The following KIF26B variants were observed in gnomAD, a reference collection of about 807,000 sequenced individuals.
KIF26B encodes kinesin family member 26B.
KIF26B carries 63 observed loss-of-function variants against 151.2 expected under a neutral mutation model. That is an observed-to-expected ratio of 0.42 (90% confidence interval 0.34 to 0.51). The LOEUF is 0.51. Among genes scored for constraint, KIF26B ranks in the 20% least tolerant of loss-of-function variants. The pLI is 0.07. For missense variants in KIF26B, 2,813 were observed against 2,913.6 expected (o/e 0.97, Z 0.79); for synonymous variants, 1,357 against 1,262.1 (o/e 1.08, Z -1.59).
chr1:245,175,475 A>G, intron 2 of KIF26B, among the ~76,000 whole-genome samples: 1 of 152,184 alleles, frequency 6.6e-6, no homozygotes, highest in East Asian at 1.9e-4. Context: ...GGAACTTGGA[A>G]GAGGCAAAGT....
At chr1:245,689,164 C>T (rs2044587682) in intron 12 of KIF26B, among the ~76,000 whole-genome samples, 2 of 152,232 alleles carry the variant, frequency 1.3e-5, no homozygotes. Flanking sequence ...ATGCAGGTGG[C>T]AGCATGACCC....
chr1:245,526,332 G>T (rs1451608317), intron 4 of KIF26B, among the ~76,000 whole-genome samples: 1 of 152,184 alleles, frequency 6.6e-6, no homozygotes, highest in Non-Finnish European at 1.5e-5. Context: ...CTCTAGTGGG[G>T]CTGCTAAGGT....
At chr1:245,234,854 A>G (rs1670074663) in intron 2 of KIF26B, among the ~76,000 whole-genome samples, 1 of 152,214 alleles carries the variant, frequency 6.6e-6, no homozygotes, top group South Asian at 2.1e-4. Context: ...CTGTTGTGTT[A>G]AAAGGACTTG....
chr1:245,590,914 G>GAA (rs10599314), intron 5 of KIF26B, among the ~76,000 whole-genome samples: 6 of 91,330 alleles, frequency 6.6e-5, no homozygotes, highest in Non-Finnish European at 8.3e-5. Context: ...TCAAAAAAAA[G>GAA]AAAAAAAAAA....
chr1:245,282,918 A>AT, intron 2 of KIF26B: 1 of 314,596 alleles, frequency 3.2e-6, no homozygotes, highest in Admixed American at 3.4e-5. Context: ...CCATTTTGTC[A>AT]TTTTGGGTTC....
intron 4 of KIF26B, chr1:245,511,032 A>G (rs1660822329): frequency 5.6e-6 from 4 of 711,054 alleles, no homozygotes. Flanking sequence ...TGCAAGAGAC[A>G]TTTGAGAGAA....
intron 4 of KIF26B, among the ~76,000 whole-genome samples, chr1:245,458,193 G>A (rs530444287): frequency 1.2e-3 from 189 of 152,228 alleles, no homozygotes; most frequent in African/African-American, 4.3e-3. Context: ...AGCAAGTGCC[G>A]GAGCCCACTC....
chr1:245,384,073 A>T (rs531379616), intron 3 of KIF26B, among the ~76,000 whole-genome samples: 8 of 152,208 alleles, frequency 5.3e-5, no homozygotes, highest in Admixed American at 3.9e-4. Context: ...CTGCACAGAG[A>T]AAAACTGAAG....
At chr1:245,505,833 T>G (rs1660720004) in intron 4 of KIF26B, among the ~76,000 whole-genome samples, 1 of 151,332 alleles carries the variant, frequency 6.6e-6, no homozygotes, top group South Asian at 2.1e-4. Flanking sequence ...GGAGCACAAA[T>G]TTTACAAATT....
chr1:245,457,033 T>C (rs12119317), intron 4 of KIF26B, among the ~76,000 whole-genome samples: 15,043 of 152,178 alleles, frequency 0.099, 1,043 homozygotes, highest in Non-Finnish European at 0.15. Flanking sequence ...GCCCAGCTAA[T>C]TTTTGTATTT....
chr1:245,577,297 G>A (rs1212670683), intron 5 of KIF26B, among the ~76,000 whole-genome samples: 1 of 152,136 alleles, frequency 6.6e-6, no homozygotes, highest in Non-Finnish European at 1.5e-5. Flanking sequence ...CACCCTCCAA[G>A]TTGTGACCAA....
At chr1:245,654,719 C>G (rs1223973866) in intron 10 of KIF26B, among the ~76,000 whole-genome samples, 1 of 152,168 alleles carries the variant, frequency 6.6e-6, no homozygotes, top group Non-Finnish European at 1.5e-5. Context: ...CAGTGGAGAA[C>G]CAGACACTGG....
At chr1:245,655,430 A>G (rs1172119642) in intron 10 of KIF26B, among the ~76,000 whole-genome samples, 4 of 152,238 alleles carry the variant, frequency 2.6e-5, no homozygotes, top group Non-Finnish European at 5.9e-5. Context: ...TTGACCAAGT[A>G]GATAATTACC....
chr1:245,369,082 G>T (rs1042120630), intron 3 of KIF26B, among the ~76,000 whole-genome samples: 1 of 152,012 alleles, frequency 6.6e-6, no homozygotes, highest in African/African-American at 2.4e-5. Context: ...AGGCTGCAGT[G>T]AGCCGAGATT....
At chr1:245,571,186 G>A (rs558466874) in intron 5 of KIF26B, among the ~76,000 whole-genome samples, 1 of 152,170 alleles carries the variant, frequency 6.6e-6, no homozygotes, top group South Asian at 2.1e-4. Flanking sequence ...CCCTTGTGTG[G>A]AAAGCCCTGT....
intron 2 of KIF26B, among the ~76,000 whole-genome samples, chr1:245,171,331 C>T (rs763916183): frequency 8.5e-5 from 13 of 152,168 alleles, no homozygotes; most frequent in African/African-American, 1.7e-4. Flanking sequence ...ATCACGATGT[C>T]GGGAGTTCGA....
intron 4 of KIF26B, among the ~76,000 whole-genome samples, chr1:245,421,063 C>G (rs114877026): frequency 0.018 from 2,718 of 152,252 alleles, 78 homozygotes; most frequent in African/African-American, 0.053. Context: ...AGGCTGGCCA[C>G]CCAACAATGG....
intron 12 of KIF26B, among the ~76,000 whole-genome samples, chr1:245,691,227 AAAAC>A (rs1346993391): frequency 2.0e-5 from 3 of 151,616 alleles, no homozygotes; most frequent in African/African-American, 7.3e-5. Context: ...CAATGATGGA[AAAAC>A]AAACGTGTGA....
intron 7 of KIF26B, among the ~76,000 whole-genome samples, 186 bp downstream of exon 7, chr1:245,607,930 T>C (rs1485068412): frequency 1.3e-5 from 2 of 152,200 alleles, no homozygotes; most frequent in Non-Finnish European, 2.9e-5. Context: ...TGGACACCCA[T>C]TCATGTAGGA....
Sources: gnomAD v4.1 joint callset for allele counts (sites outside exome capture counted in the v4.1 genomes callset) on GRCh38, gnomAD v4.1.1 for gene constraint, MANE v1.5 for transcripts, NCBI Gene and HGNC (gene_info 2026-07-23, HGNC 2026-07-21) for gene names.